The following SLC12A1 variants were observed in gnomAD, a reference collection of about 807,000 sequenced individuals.
SLC12A1 encodes Na-K-2Cl cotransporter.
A neutral mutation model predicts 130.4 loss-of-function variants in SLC12A1; 89 were observed. The ratio of observed to expected loss-of-function variants is 0.68; its 90% CI spans 0.58 to 0.81. SLC12A1 has a LOEUF of 0.81. Ranked by LOEUF, SLC12A1 falls within the 40% of genes least tolerant of loss-of-function variation. The probability of loss-of-function intolerance (pLI) is 0.00; values close to 1 mark genes in which losing one functional copy is unlikely to be tolerated. For synonymous variants in SLC12A1, 499 were observed against 460.0 expected, an observed-to-expected ratio of 1.08 and a Z score of -1.09; for missense variants, 1,310 against 1,336.4, an observed-to-expected ratio of 0.98 and a Z score of 0.31.
intron 20 of SLC12A1, among the ~76,000 whole-genome samples, chr15:48,278,856 T>A (rs1194203792): frequency 2.0e-5 from 3 of 152,210 alleles, no homozygotes; most frequent in Non-Finnish European, 4.4e-5. Context: ...TCTGCCAAGA[T>A]GCACCATCAA....
intron 20 of SLC12A1, among the ~76,000 whole-genome samples, chr15:48,278,984 G>C (rs2041984049): frequency 1.3e-5 from 2 of 152,122 alleles, no homozygotes. Flanking sequence ...AATAAACTTT[G>C]ATGTTTGAAA....
At chr15:48,293,872 C>G (rs114214492) in intron 24 of SLC12A1, among the ~76,000 whole-genome samples, 1 of 151,562 alleles carries the variant, frequency 6.6e-6, no homozygotes, top group Non-Finnish European at 1.5e-5. Flanking sequence ...TAGCAAGACC[C>G]CCAAAAATAG....
chr15:48,288,352 A>C (rs2042081608), intron 22 of SLC12A1, 53 bp from the exon 23 acceptor site: 1 of 1,114,398 alleles, frequency 9.0e-7, no homozygotes, highest in South Asian at 1.4e-5. Flanking sequence ...AAAGCTATTC[A>C]TTTCCTTCCA....
At chr15:48,213,029 T>C (rs183114273) in intron 2 of SLC12A1, among the ~76,000 whole-genome samples, 96 of 152,350 alleles carry the variant, frequency 6.3e-4, no homozygotes, top group Admixed American at 1.0e-3. Context: ...ACTATTATTA[T>C]TGCTTTTTTA....
In SLC12A1 at chr15:48,246,979, C is replaced by A; in HGVS notation, c.1523C>A (p.Ala508Asp). Reference sequence around the variant, plus strand: ...ATCTTTTCTGCAACACTCTCCTCCGCCCTGGCCTCCCTTGTCAGCGCACCC... The same window carrying A: ...ATCTTTTCTGCAACACTCTCCTCCGACCTGGCCTCCCTTGTCAGCGCACCC... ...AGIFSATLSSALASLVSAPKV... is the reference protein window; with the variant it reads ...AGIFSATLSSDLASLVSAPKV... The change falls in exon 12 of 27, where the codon GCC (alanine) becomes GAC (aspartate). Residue 508 changes from alanine to aspartate, a missense_variant. Coordinates refer to ENST00000380993, the MANE Select transcript of SLC12A1 (RefSeq NM_000338.3). The A allele has an allele frequency of 1.9e-6, 3 of 1,613,972 alleles. No homozygotes were observed. The highest frequency in any genetic ancestry group is 3.3e-5 in the Admixed American group (2 of 60,022).
intron 4 of SLC12A1, chr15:48,222,821 T>G (rs2041232785): frequency 6.6e-6 from 1 of 152,112 alleles, no homozygotes; most frequent in African/African-American, 2.4e-5. Context: ...TCTGAATACA[T>G]TTTCAAGCCC....
Position 48,299,262 on chromosome 15 carries a change from C to T in SLC12A1, c.3083C>T (p.Ala1028Val), listed in dbSNP as rs1184014627. Residue 1028 changes from alanine to valine, a missense_variant, in exon 25 of 27, where the codon GCA becomes GTA. Physicochemically the swap from Ala to Val is moderately conservative, Grantham distance 64 (BLOSUM62 0). Transcript: ENST00000380993. ...PWKITDAELE[A>V]VKEKSYRQVR... is the part of the protein sequence containing the mutation. ...AAAATTACAGATGCAGAACTGGAAGCAGTCAAGGAAAAGGTAAGGATTTGT... is the reference window on the plus strand; with the variant it reads ...AAAATTACAGATGCAGAACTGGAAGTAGTCAAGGAAAAGGTAAGGATTTGT... 1.3e-6 allele frequency: 2 copies of T among 1,597,092 alleles called. No individual in the cohort carries two copies. The highest frequency in any genetic ancestry group is 2.3e-5 in the South Asian group (2 of 86,226).
At chr15:48,301,506 G>GGGGGGGC (rs2042232939) in intron 26 of SLC12A1, 124 bp downstream of exon 26, 4 of 546,564 alleles carry the variant, frequency 7.3e-6, no homozygotes, top group African/African-American at 6.2e-5. Flanking sequence ...TTTTTTTGGG[G>GGGGGGGC]GGGGGAACAC....
chr15:48,269,117 G>T (rs1160900825), intron 18 of SLC12A1, among the ~76,000 whole-genome samples: 1 of 152,150 alleles, frequency 6.6e-6, no homozygotes, highest in African/African-American at 2.4e-5. Flanking sequence ...CTAATGAAGG[G>T]AAACAACACT....
intron 9 of SLC12A1, 163 bp downstream of exon 9, chr15:48,235,167 A>C: frequency 8.9e-6 from 7 of 786,688 alleles, no homozygotes; most frequent in South Asian, 2.9e-5. Context: ...TTTAATGCCA[A>C]ATTTGGATTT....
At chr15:48,256,830 C>CG (rs1042015315) in intron 16 of SLC12A1, among the ~76,000 whole-genome samples, 14 of 144,650 alleles carry the variant, frequency 9.7e-5, no homozygotes, top group Non-Finnish European at 1.7e-4. Flanking sequence ...TGGCCCCCCC[C>CG]CCCAAATTTC....
chr15:48,213,032 C>T (rs2041073871), intron 2 of SLC12A1, among the ~76,000 whole-genome samples: 1 of 152,110 alleles, frequency 6.6e-6, no homozygotes. Context: ...ATTATTATTG[C>T]TTTTTTATGG....
intron 17 of SLC12A1, among the ~76,000 whole-genome samples, chr15:48,260,011 T>TCA (rs2041753162): frequency 1.3e-5 from 2 of 152,116 alleles, no homozygotes. Flanking sequence ...CTCATGCCTG[T>TCA]AATCCCAGCG....
chr15:48,281,702 C>T (rs372392933), intron 20 of SLC12A1, among the ~76,000 whole-genome samples: 18 of 152,198 alleles, frequency 1.2e-4, no homozygotes, highest in Non-Finnish European at 2.6e-4. Flanking sequence ...TCCCAGTATT[C>T]GTATCAAATG....
intron 2 of SLC12A1, among the ~76,000 whole-genome samples, chr15:48,212,623 G>A (rs2041067524): frequency 6.6e-6 from 1 of 152,044 alleles, no homozygotes; most frequent in African/African-American, 2.4e-5. Flanking sequence ...AACCAAAATG[G>A]AACTCCTTTT....
chr15:48,222,243 C>T (rs1328330930), intron 4 of SLC12A1: 1 of 152,092 alleles, frequency 6.6e-6, no homozygotes, highest in Non-Finnish European at 1.5e-5. Context: ...CATCAAGAAA[C>T]ATTACTTTGT....
At chr15:48,298,570 AGAAAACGTCCAAATTGTTCT>A (rs2042200718) in intron 24 of SLC12A1, among the ~76,000 whole-genome samples, 1 of 152,270 alleles carries the variant, frequency 6.6e-6, no homozygotes, top group Admixed American at 6.5e-5. Flanking sequence ...CATTATTTGC[AGAAAACGTCCAAATTGTTCT>A]ACAATCATTA....
Position 48,299,233 on chromosome 15 carries a change from G to C in SLC12A1, c.3054G>C (p.Pro1018=). The change falls in exon 25 of 27, where the codon CCG becomes CCC. Residue 1018 remains proline, a synonymous_variant. Transcript: ENST00000380993. ...CTGAGAAATTAAAAAGAGAAACTCCGTGGAAAATTACAGATGCAGAACTGG... is the reference window on the plus strand; with the variant it reads ...CTGAGAAATTAAAAAGAGAAACTCCCTGGAAAATTACAGATGCAGAACTGG... The part of the protein sequence containing the change: ...TTAEKLKRET[P]WKITDAELEA... 2 of 1,607,714 alleles carry C rather than the reference G, an allele frequency of 1.2e-6. No individual in the cohort carries two copies. Among genetic ancestry groups the C allele is most frequent in the South Asian group, 2.2e-5 (2 of 89,106 alleles).
chr15:48,227,165 G>T, intron 5 of SLC12A1: 1 of 1,544,842 alleles, frequency 6.5e-7, no homozygotes, highest in East Asian at 2.4e-5. Flanking sequence ...GAATGGAGTA[G>T]TAAGAGGAGG....
Sources: gnomAD v4.1 joint callset for allele counts (sites outside exome capture counted in the v4.1 genomes callset) on GRCh38, gnomAD v4.1.1 for gene constraint, MANE v1.5 for transcripts, NCBI Gene and HGNC (gene_info 2026-07-23, HGNC 2026-07-21) for gene names.